Variants in ENTREP2 observed in about 807,000 individuals in gnomAD.
ENTREP2 encodes protein ENTREP2.
chr15:29,580,484 A>T, the ENTREP2 span, among the ~76,000 whole-genome samples: 6 of 152,226 alleles, frequency 3.9e-5, no homozygotes, highest in Non-Finnish European at 8.8e-5. Context: ...TTCTATTTGA[A>T]CATATTCCCG....
chr15:29,194,440 C>A, the ENTREP2 span, among the ~76,000 whole-genome samples: 3 of 152,204 alleles, frequency 2.0e-5, no homozygotes, highest in Non-Finnish European at 4.4e-5. Flanking sequence ...AGGCTTTGTA[C>A]ACAAATTCAT....
the ENTREP2 span, among the ~76,000 whole-genome samples, chr15:29,657,365 G>C: frequency 4.6e-3 from 683 of 149,522 alleles, 9 homozygotes; most frequent in Admixed American, 0.038. Flanking sequence ...CAGTGTTACA[G>C]TTCTTACAAA....
the ENTREP2 span, among the ~76,000 whole-genome samples, chr15:29,394,882 C>CTTTTT: frequency 1.0e-5 from 1 of 95,832 alleles, no homozygotes; most frequent in East Asian, 3.1e-4. Context: ...GTCAGAATCT[C>CTTTTT]TTTTTTTTTT....
At chr15:29,657,074 G>C in the ENTREP2 span, among the ~76,000 whole-genome samples, 1 of 152,090 alleles carries the variant, frequency 6.6e-6, no homozygotes, top group South Asian at 2.1e-4. Flanking sequence ...TTGAGACCGA[G>C]TCTCCCGCTG....
chr15:29,472,428 AACACACACACACACACACACAC>A, the ENTREP2 span, among the ~76,000 whole-genome samples: 9 of 140,706 alleles, frequency 6.4e-5, no homozygotes, highest in Admixed American at 2.8e-4. Context: ...CACAACACAC[AACACACACACACACACACACAC>A]ACACACACAC....
chr15:29,227,989 A>T, the ENTREP2 span, among the ~76,000 whole-genome samples: 4 of 152,178 alleles, frequency 2.6e-5, no homozygotes, highest in Non-Finnish European at 5.9e-5. Flanking sequence ...TGAGAAAAAA[A>T]AAAGAAACTT....
the ENTREP2 span, among the ~76,000 whole-genome samples, chr15:29,296,995 C>T: frequency 6.6e-6 from 1 of 152,008 alleles, no homozygotes; most frequent in Admixed American, 6.6e-5. Context: ...ACCCATAAAC[C>T]CTGGTCCTTT....
At chr15:29,557,589 C>T in the ENTREP2 span, among the ~76,000 whole-genome samples, 4 of 152,146 alleles carry the variant, frequency 2.6e-5, no homozygotes, top group Non-Finnish European at 5.9e-5. Flanking sequence ...ATCGGAGACA[C>T]GGGAGGGGAG....
the ENTREP2 span, among the ~76,000 whole-genome samples, chr15:29,231,431 T>C: frequency 6.6e-6 from 1 of 152,230 alleles, no homozygotes; most frequent in African/African-American, 2.4e-5. Context: ...GAGTTAATCA[T>C]AATTTTTCTC....
At chr15:29,343,474 A>G in the ENTREP2 span, among the ~76,000 whole-genome samples, 4 of 152,056 alleles carry the variant, frequency 2.6e-5, no homozygotes, top group Admixed American at 1.3e-4. Context: ...TGAAACCTCA[A>G]CACCTACCTA....
At chr15:29,595,192 G>A in the ENTREP2 span, among the ~76,000 whole-genome samples, 1 of 152,012 alleles carries the variant, frequency 6.6e-6, no homozygotes, top group East Asian at 1.9e-4. Flanking sequence ...GGCGGAGGTT[G>A]CAGTGAGCTG....
chr15:29,331,457 G>C, the ENTREP2 span, among the ~76,000 whole-genome samples: 1 of 152,138 alleles, frequency 6.6e-6, no homozygotes, highest in African/African-American at 2.4e-5. Context: ...AGGAATCTGA[G>C]ACGAGTCCTT....
At chr15:29,214,488 T>A in the ENTREP2 span, among the ~76,000 whole-genome samples, 1 of 151,886 alleles carries the variant, frequency 6.6e-6, no homozygotes, top group Non-Finnish European at 1.5e-5. Flanking sequence ...AACTGAACAA[T>A]GAGAACACTT....
the ENTREP2 span, among the ~76,000 whole-genome samples, chr15:29,259,386 T>TC: frequency 5.9e-5 from 9 of 152,232 alleles, no homozygotes; most frequent in South Asian, 1.9e-3. Flanking sequence ...TTCTAACAGC[T>TC]CAAGGCCACA....
the ENTREP2 span, among the ~76,000 whole-genome samples, chr15:29,189,269 A>C: frequency 6.6e-6 from 1 of 152,168 alleles, no homozygotes; most frequent in African/African-American, 2.4e-5. Context: ...CTCCAGGTAA[A>C]GAGTGTCAGA....
chr15:29,304,785 C>A, the ENTREP2 span, among the ~76,000 whole-genome samples: 1 of 152,166 alleles, frequency 6.6e-6, no homozygotes, highest in Non-Finnish European at 1.5e-5. Flanking sequence ...TTCCCTCTAG[C>A]CACAGGGCCT....
At chr15:29,420,142 C>T in the ENTREP2 span, among the ~76,000 whole-genome samples, 1 of 152,168 alleles carries the variant, frequency 6.6e-6, no homozygotes, top group African/African-American at 2.4e-5. Context: ...AAGATTCAGG[C>T]ACGAGTCTCA....
At chr15:29,314,831 C>T in the ENTREP2 span, among the ~76,000 whole-genome samples, 5 of 152,088 alleles carry the variant, frequency 3.3e-5, no homozygotes, top group Admixed American at 6.6e-5. Context: ...GCGGGTGGAT[C>T]GCTTGAGCTC....
the ENTREP2 span, among the ~76,000 whole-genome samples, chr15:29,150,536 C>A: frequency 6.6e-6 from 1 of 152,102 alleles, no homozygotes; most frequent in East Asian, 1.9e-4. Context: ...TTACAGAACA[C>A]GTTGGAGAAA....
Sources: allele counts gnomAD v4.1 joint callset (sites outside exome capture counted in the v4.1 genomes callset), GRCh38; gene constraint gnomAD v4.1.1; transcripts MANE v1.5; gene names NCBI Gene and HGNC (gene_info 2026-07-23, HGNC 2026-07-21).